The following MAP4 variants were observed in gnomAD, a reference collection of about 807,000 sequenced individuals.
The protein encoded by MAP4 is microtubule associated protein 4.
Under a neutral mutation model 170.2 loss-of-function variants are expected in MAP4, and 76 were observed. That is an observed-to-expected ratio of 0.45 (90% CI 0.37 to 0.54). MAP4 has a LOEUF of 0.54. Ranked by LOEUF, MAP4 falls within the 20% of genes least tolerant of loss-of-function variation. MAP4 has a pLI of 0.00. For synonymous variants in MAP4, 909 were observed against 994.5 expected (o/e 0.91, Z 1.62); for missense variants, 2,506 against 2,748.0 (o/e 0.91, Z 1.97).
chr3:47,956,613 TG>T (rs1278614550), intron 3 of MAP4, among the ~76,000 whole-genome samples: 2 of 152,172 alleles, frequency 1.3e-5, no homozygotes, highest in African/African-American at 4.8e-5. Context: ...CAAGGAAATC[TG>T]GGGGAAAGAT....
At chr3:48,042,892 A>G (rs572113111) in intron 1 of MAP4, among the ~76,000 whole-genome samples, 2 of 152,330 alleles carry the variant, frequency 1.3e-5, no homozygotes, top group African/African-American at 4.8e-5. Context: ...ACCACCTACT[A>G]TATTAATCTG....
Position 47,867,334 on chromosome 3 carries a change from T to C in MAP4, c.6413A>G (p.Gln2138Arg). ...GTAGCTCACTTTTTTGGAGACTATC[T>C]GGACCTGGAGTGTTAGAAAATAGAA... ...SAQKQPAGKV[Q>R]IVSKKVSYSH... The change falls in exon 17 of 21, where the codon CAG (glutamine) becomes CGG (arginine). Residue 2138 changes from glutamine to arginine, a missense_variant. Gln to Arg is a conservative substitution (Grantham distance 43, BLOSUM62 1). Around this residue, in one of 3 missense-constraint regions of MAP4, gnomAD observed 487 missense variants for 511.6 expected, o/e 0.95. Transcript: ENST00000683076. 6.2e-7 allele frequency: 1 copy of C among 1,608,940 alleles called. No homozygotes were observed. Among genetic ancestry groups the C allele is most frequent in the Non-Finnish European group, 8.5e-7 (1 of 1,175,450 alleles).
At chr3:47,922,386 T>C (rs1225091854) in intron 4 of MAP4, among the ~76,000 whole-genome samples, 1 of 152,290 alleles carries the variant, frequency 6.6e-6, no homozygotes, top group East Asian at 1.9e-4. Context: ...TAATCCCTTC[T>C]CTAAGATTTG....
At chr3:47,962,287 C>G (rs1474370893) in intron 3 of MAP4, among the ~76,000 whole-genome samples, 1 of 152,186 alleles carries the variant, frequency 6.6e-6, no homozygotes, top group African/African-American at 2.4e-5. Context: ...ACTGGCTCAC[C>G]CTTAAATTCT....
At chr3:48,083,648 A>G (rs1017283165) in intron 1 of MAP4, among the ~76,000 whole-genome samples, 1 of 151,810 alleles carries the variant, frequency 6.6e-6, no homozygotes, top group African/African-American at 2.4e-5. Context: ...TACAGGCATG[A>G]GCCACCGCAC....
At chr3:47,929,720 T>G (rs1431566547) in intron 3 of MAP4, among the ~76,000 whole-genome samples, 1 of 151,414 alleles carries the variant, frequency 6.6e-6, no homozygotes, top group Non-Finnish European at 1.5e-5. Context: ...GAAAAAATCT[T>G]TGTGACTTTG....
At chr3:48,013,709 TAA>T (rs11373263) in intron 1 of MAP4, among the ~76,000 whole-genome samples, 3 of 134,678 alleles carry the variant, frequency 2.2e-5, no homozygotes, top group Admixed American at 7.6e-5. Flanking sequence ...TGAGGTTTAT[TAA>T]AAAAAAAAAA....
Position 47,871,262 on chromosome 3 carries a change from G to T in MAP4, c.5966C>A (p.Ala1989Glu), listed in dbSNP as rs868666133. ...PTAIKTEGKP[A>E]EVKKMTAKSV... ...CTTTGCAGTCATCTTCTTGACTTCT[G>T]CAGGTTTTCCCTCAGTCTTAATGGC... is the stretch of plus-strand genomic sequence containing the variant. The change falls in exon 14 of 21, where the codon GCA (alanine) becomes GAA (glutamate). Residue 1989 changes from alanine to glutamate, a missense_variant. By Grantham distance (107) the Ala-to-Glu change is moderately radical. Transcript: ENST00000683076. 2.5e-6 allele frequency: 4 copies of T among 1,614,104 alleles called. No homozygotes were observed. In the South Asian group the frequency reaches 4.4e-5, roughly 18 times the overall value.
rs1264112513 is a variant in MAP4 at position 47,870,903 on chromosome 3, C to T, written c.6204G>A (p.Leu2068=). The change falls in exon 15 of 21, where the codon CTG becomes CTA. Residue 2068 remains leucine, a synonymous_variant. Transcript: ENST00000683076. ...GATCAGGAGCAGAAGTATTGGTGGC[C>T]AGGCGGCTGAGCCGGGGGGTGGTGG... The part of the protein sequence containing the change: ...PSSTTPRLSR[L]ATNTSAPDLK... 2 of 1,613,774 alleles carry T rather than the reference C, an allele frequency of 1.2e-6. No homozygotes were observed. Among genetic ancestry groups the T allele is most frequent in the Non-Finnish European group, 1.7e-6 (2 of 1,179,854 alleles).
At chr3:47,946,544 C>G (rs1336002462) in intron 3 of MAP4, among the ~76,000 whole-genome samples, 2 of 149,494 alleles carry the variant, frequency 1.3e-5, no homozygotes, top group East Asian at 4.0e-4. Flanking sequence ...ATCCCAGCTA[C>G]TCATGAGGCT....
At chr3:48,035,531 G>T (rs1291276436) in intron 1 of MAP4, among the ~76,000 whole-genome samples, 1 of 152,158 alleles carries the variant, frequency 6.6e-6, no homozygotes, top group African/African-American at 2.4e-5. Flanking sequence ...CTACTCAGGA[G>T]GCTGAGGTGG....
At chr3:47,893,010 T>C (rs551301480) in intron 10 of MAP4, among the ~76,000 whole-genome samples, 26 of 146,778 alleles carry the variant, frequency 1.8e-4, no homozygotes, top group Admixed American at 3.4e-4. Flanking sequence ...ATCCAGGAAA[T>C]TGTTCAAAAT....
At chr3:48,002,152 C>T (rs1474559364) in intron 1 of MAP4, among the ~76,000 whole-genome samples, 4 of 151,354 alleles carry the variant, frequency 2.6e-5, no homozygotes, top group South Asian at 4.2e-4. Context: ...GCAATGATCA[C>T]GTCTGTGAAT....
intron 10 of MAP4, among the ~76,000 whole-genome samples, chr3:47,901,950 AGAAGTTT>A (rs1292043223): frequency 1.3e-5 from 2 of 151,992 alleles, no homozygotes; most frequent in African/African-American, 2.4e-5. Context: ...GCTTGAGGCC[AGAAGTTT>A]GAGACTAGCC....
chr3:47,856,320 A>G (rs1226622157), intron 18 of MAP4, among the ~76,000 whole-genome samples: 1 of 152,200 alleles, frequency 6.6e-6, no homozygotes, highest in Non-Finnish European at 1.5e-5. Context: ...GTCATTAGAG[A>G]AGGAAGTATC....
chr3:47,968,941 T>C (rs1215920887), intron 3 of MAP4, among the ~76,000 whole-genome samples: 1 of 152,116 alleles, frequency 6.6e-6, no homozygotes, highest in Admixed American at 6.5e-5. Flanking sequence ...AAAAAAGGTT[T>C]ATAAGGGAAT....
In MAP4 at chr3:48,055,842, G is replaced by A. The variant is rs369067283; in HGVS notation, c.-20+32931C>T. Among the ~76,000 whole-genome samples, 324 of 138,172 alleles carry A rather than the reference G, an allele frequency of 2.3e-3. 14 individuals are homozygous for A. In the East Asian group the frequency reaches 0.065, roughly 28 times the overall value. The allele number at this position is 138,172 out of a possible 152,430, so 90.6% of individuals were successfully genotyped here. A position where few individuals can be genotyped will look rare whatever the true frequency, so the allele number is the denominator to read the frequency against. ...GCCCATAGTCTGAGACGTGGGGAGC[G>A]CCTCTGCCCCGCCGCCCCATCTGGG... On this transcript the variant is annotated intron_variant, in intron 1 of 18. Coordinates refer to the MAP4 transcript ENST00000360240.
chr3:48,066,423 G>GAT (rs1174926436), intron 1 of MAP4, among the ~76,000 whole-genome samples: 1 of 152,018 alleles, frequency 6.6e-6, no homozygotes, highest in Non-Finnish European at 1.5e-5. Flanking sequence ...CCAGATCTTT[G>GAT]ATATATAGTT....
rs570325092 is a variant in MAP4, at chr3:48,011,529, C to T, written c.-20+4805G>A. Among the ~76,000 whole-genome samples, 6 of 148,778 alleles carry T rather than the reference C, an allele frequency of 4.0e-5. No homozygotes were observed. The East Asian group carries it at 5.9e-4, about 15-fold the overall frequency. ...GATCACGCCACTGCACTCCAGCCTA[C>T]GTAACAGAGCAAGACTCCGTCTCAA... On this transcript the variant is annotated intron_variant, in intron 1 of 20. Transcript: ENST00000683076.
Sources: gnomAD v4.1 joint callset for allele counts (sites outside exome capture counted in the v4.1 genomes callset) on GRCh38, gnomAD v4.1.1 for gene constraint, gnomAD v4.1.1 regional missense constraint, MANE v1.5 for transcripts, NCBI Gene and HGNC (gene_info 2026-07-23, HGNC 2026-07-21) for gene names.